AARSD1: variants seen among roughly 807,000 people sequenced by gnomAD.
AARSD1 encodes the protein alanyl-tRNA editing protein Aarsd1.
A neutral mutation model predicts 48.7 loss-of-function variants in AARSD1; 44 were observed. The ratio of observed to expected loss-of-function variants is 0.90; its 90% CI spans 0.71 to 1.16. The LOEUF is 1.16. Among genes scored for constraint, AARSD1 ranks in the 50% most tolerant of loss-of-function variants. The pLI is 0.00. For synonymous variants in AARSD1, 189 were observed against 194.9 expected, an observed-to-expected ratio of 0.97 and a Z score of 0.25; for missense variants, 511 against 523.1, an observed-to-expected ratio of 0.98 and a Z score of 0.23.
chr17:42,961,033 A>G, intron 3 of AARSD1, 159 bp downstream of exon 3: 2 of 1,229,356 alleles, frequency 1.6e-6, no homozygotes, highest in Non-Finnish European at 2.2e-6. Context: ...TGTTGCTGTT[A>G]TAACATTTAG....
chr17:42,962,498 G>A (rs1343009464), intron 2 of AARSD1, among the ~76,000 whole-genome samples: 1 of 151,962 alleles, frequency 6.6e-6, no homozygotes, highest in Admixed American at 6.6e-5. Context: ...AGTATATGAC[G>A]CTAGAGAACC....
At chr17:42,953,664 C>G in intron 10 of AARSD1, 60 bp downstream of exon 10, 1 of 1,612,896 alleles carries the variant, frequency 6.2e-7, no homozygotes, top group Non-Finnish European at 8.5e-7. Context: ...TAGCGCCCCT[C>G]ACTTATGTCT....
At chr17:42,957,344 G>GA in intron 3 of AARSD1, 149 bp from the exon 4 acceptor site, 1 of 940,790 alleles carries the variant, frequency 1.1e-6, no homozygotes, top group African/African-American at 1.7e-5. Context: ...ATACTTTATT[G>GA]AAAATCACAA....
intron 3 of AARSD1, 70 bp downstream of exon 3, chr17:42,961,122 G>C: frequency 6.5e-7 from 1 of 1,530,762 alleles, no homozygotes. Context: ...CCCAAACTAC[G>C]TCTCAGTCAT....
At chr17:42,963,223 GGGGCCT>G (rs1297483912) in intron 2 of AARSD1, among the ~76,000 whole-genome samples, 1 of 151,134 alleles carries the variant, frequency 6.6e-6, no homozygotes, top group Non-Finnish European at 1.5e-5. Context: ...TGGGACTACA[GGGGCCT>G]GCCAGTATGC....
At chr17:42,955,007 A>G (rs764566448) in intron 8 of AARSD1, 40 bp from the exon 9 acceptor site, 41 of 1,613,610 alleles carry the variant, frequency 2.5e-5, no homozygotes, top group Admixed American at 5.0e-5. Context: ...AATGGAAAGG[A>G]TAACAATAGA....
Position 42,955,231 on chromosome 17 carries a change from G to A in AARSD1, c.795-7C>T. On this transcript the variant is annotated splice_region_variant and splice_polypyrimidine_tract_variant and intron_variant, in intron 7 of 11. Coordinates refer to ENST00000427569, the MANE Select transcript of AARSD1 (RefSeq NM_001261434.2). ...ATGATCCTCTGCTCCACACCTGAAA[G>A]AGAAAGGTCAGAGGAGACCTGCGCA... 2 of 1,613,622 alleles carry A rather than the reference G, an allele frequency of 1.2e-6. No homozygotes were observed. The highest frequency in any genetic ancestry group is 1.1e-5 in the South Asian group (1 of 90,830).
Position 42,957,179 on chromosome 17 carries a change from C to T in AARSD1, c.348G>A (p.Thr116=), listed in dbSNP as rs768225273. ...MQQHSGQHLI[T]AVADHLFKLK... ...GCTTAAATAGATGGTCAGCAACTGC[C>T]GTGATGAGATGCTGCCCTAAGCAAA... is the stretch of plus-strand genomic sequence containing the variant. The change falls in exon 4 of 12, where the codon ACG becomes ACA. Residue 116 remains threonine, a synonymous_variant. Coordinates refer to ENST00000427569, the MANE Select transcript of AARSD1 (RefSeq NM_001261434.2). 8.1e-6 allele frequency: 13 copies of T among 1,613,630 alleles called. No homozygotes were observed. The highest frequency in any genetic ancestry group is 1.6e-4 in the Middle Eastern group (1 of 6,062).
intron 3 of AARSD1, among the ~76,000 whole-genome samples, chr17:42,959,724 C>T (rs1403555452): frequency 6.3e-4 from 95 of 150,796 alleles, no homozygotes; most frequent in African/African-American, 2.2e-3. Flanking sequence ...AGTGCAGTGG[C>T]GCGATCTCGG....
chr17:42,957,480 T>TC (rs1405501017), intron 3 of AARSD1: 2 of 181,740 alleles, frequency 1.1e-5, no homozygotes, highest in African/African-American at 5.4e-5. Context: ...AACTTCCTTT[T>TC]TTTTTTTTTT....
intron 9 of AARSD1, among the ~76,000 whole-genome samples, chr17:42,954,545 C>T (rs1254228758): frequency 1.3e-5 from 2 of 151,956 alleles, no homozygotes; most frequent in African/African-American, 2.4e-5. Flanking sequence ...AGTGATTCTC[C>T]TGCCTCAGCC....
rs1479098698 is a variant in AARSD1 at position 42,964,454 on chromosome 17, T to G, written c.-14A>C. The G allele has an allele frequency of 3.2e-6, 5 of 1,550,524 alleles. No homozygotes were observed. The highest frequency in any genetic ancestry group is 3.5e-6 in the Non-Finnish European group (4 of 1,146,968). ...CCAGAACGCCATACCTGCAGGCGTG[T>G]GAGGAGGCGCACGCGCAGAGAAGCC... On this transcript the variant is annotated 5_prime_UTR_variant, in exon 1 of 12. Transcript: ENST00000427569.
rs762702479 is a variant in AARSD1 at position 42,961,371 on chromosome 17, G to A, written c.172-20C>T. On this transcript the variant is annotated intron_variant, in intron 2 of 11. Coordinates refer to ENST00000427569, the MANE Select transcript of AARSD1 (RefSeq NM_001261434.2). The stretch of plus-strand genomic sequence containing the variant: ...ATCAGGCTGGTGGAAATAAGTAAAC[G>A]TAATCAATGGCAAGGCAGGGCTCAC... 8.7e-6 allele frequency: 14 copies of A among 1,613,522 alleles called. No homozygotes were observed. The highest frequency in any genetic ancestry group is 1.7e-5 in the Admixed American group (1 of 59,946).
At position 42,964,001 on chromosome 17, in the gene AARSD1, A is replaced by G. The variant is rs565281206; in HGVS notation, c.171+105T>C. On this transcript the variant is annotated intron_variant, in intron 2 of 11. Coordinates refer to ENST00000427569, the MANE Select transcript of AARSD1 (RefSeq NM_001261434.2). ...AATGAATAACAAAATGAATTAAACT[A>G]AAGCTCATCTGAATTCATTATGGCT... is the stretch of plus-strand genomic sequence containing the variant. 4.0e-5 allele frequency: 61 copies of G among 1,538,186 alleles called. 2 individuals carry two copies. In the South Asian group the frequency reaches 7.3e-4, roughly 18 times the overall value.
chr17:42,960,191 C>G (rs1320746398), intron 3 of AARSD1, among the ~76,000 whole-genome samples: 1 of 151,662 alleles, frequency 6.6e-6, no homozygotes, highest in Non-Finnish European at 1.5e-5. Context: ...ATCACTTGAG[C>G]CCGGGAGGTG....
chr17:42,951,960 G>A, intron 10 of AARSD1, 66 bp from the exon 11 acceptor site: 1 of 1,514,598 alleles, frequency 6.6e-7, no homozygotes, highest in South Asian at 1.1e-5. Context: ...CCCAAATCCT[G>A]CACTCTCTTC....
chr17:42,951,660 A>G (rs1464459179), intron 11 of AARSD1, 140 bp downstream of exon 11: 4 of 825,828 alleles, frequency 4.8e-6, no homozygotes, highest in Non-Finnish European at 7.5e-6. Flanking sequence ...AGTAATAATT[A>G]TCTCTGCTCA....
chr17:42,962,601 G>C (rs1477736804), intron 2 of AARSD1, among the ~76,000 whole-genome samples: 1 of 152,180 alleles, frequency 6.6e-6, no homozygotes, highest in Non-Finnish European at 1.5e-5. Flanking sequence ...GGATACTTGA[G>C]GTCACAGGTT....
At chr17:42,955,307 T>C in intron 7 of AARSD1, 83 bp from the exon 8 acceptor site, 1 of 1,544,046 alleles carries the variant, frequency 6.5e-7, no homozygotes, top group Non-Finnish European at 8.8e-7. Flanking sequence ...ATTTCCTTCT[T>C]GCTATGGTGC....
Sources: allele counts gnomAD v4.1 joint callset (sites outside exome capture counted in the v4.1 genomes callset), GRCh38; gene constraint gnomAD v4.1.1; transcripts MANE v1.5; gene names NCBI Gene and HGNC (gene_info 2026-07-23, HGNC 2026-07-21).